CFL1: variants seen among roughly 807,000 people sequenced by gnomAD.
The protein encoded by CFL1 is cofilin 1, also known as cofilin-1.
CFL1 carries 2 observed loss-of-function variants against 16.3 expected under a neutral mutation model. That is an observed-to-expected ratio of 0.12 (90% CI 0.05 to 0.39). The LOEUF is 0.39. Ranked by LOEUF, CFL1 falls within the 10% of genes least tolerant of loss-of-function variation. CFL1 has a pLI of 0.99. For synonymous variants in CFL1, 111 were observed against 84.4 expected (o/e 1.31, Z -1.73); for missense variants, 75 against 212.2 (o/e 0.35, Z 4.02).
intron 1 of CFL1, 100 bp from the exon 2 acceptor site, chr11:65,856,342 C>T (rs897348984): frequency 2.5e-5 from 30 of 1,202,552 alleles, no homozygotes; most frequent in Non-Finnish European, 3.2e-5. Context: ...GTCACTAGTG[C>T]CCTTCCCAAG....
rs1410859431 is a variant in CFL1, at chr11:65,856,213, G to A, written c.33C>T (p.Val11=). MASGVAVSDG[V]IKVFNDMKVR... ...CCTTCATGTCGTTGAACACCTTGAT[G>A]ACACCATCAGAGACAGCCACACCGG... is the stretch of plus-strand genomic sequence containing the variant. Residue 11 remains valine (V), a synonymous_variant, in exon 2 of 4, where the codon GTC becomes GTT. Coordinates refer to ENST00000308162, the MANE Select transcript of CFL1 (RefSeq NM_005507.3). The A allele has an allele frequency of 6.2e-7, 1 of 1,613,966 alleles. No homozygotes were observed. The highest frequency in any genetic ancestry group is 1.7e-5 in the Admixed American group (1 of 60,016).
intron 1 of CFL1, 120 bp downstream of exon 1, chr11:65,857,977 G>T: frequency 1.8e-6 from 2 of 1,098,518 alleles, no homozygotes; most frequent in Non-Finnish European, 2.5e-6. Context: ...CTTCGTGCGA[G>T]ACCCTCATCC....
Position 65,855,715 on chromosome 11 carries a change from C to A in CFL1, c.327G>T (p.Ala109=). The A allele has an allele frequency of 6.4e-7, 1 of 1,557,584 alleles. No homozygotes were observed. The highest frequency in any genetic ancestry group is 2.0e-5 in the Admixed American group (1 of 50,016). ...CATAAATCATTTTGCTCTTAAGGGGCGCAGACTCGGGGGCCCTGGACAGAA... is the reference window on the plus strand; with the variant it reads ...CATAAATCATTTTGCTCTTAAGGGGAGCAGACTCGGGGGCCCTGGACAGAA... ...LVFIFWAPES[A]PLKSKMIYAS... Residue 109 remains alanine, a synonymous_variant, in exon 3 of 4, where the codon GCG becomes GCT. Transcript: ENST00000308162.
At chr11:65,857,965 C>A (rs1859419509) in intron 1 of CFL1, 132 bp downstream of exon 1, 1 of 945,076 alleles carries the variant, frequency 1.1e-6, no homozygotes, top group Non-Finnish European at 1.5e-6. Flanking sequence ...CACCGCCCGC[C>A]CCTTCGTGCG....
rs1859359406 is a variant in CFL1 at position 65,855,106 on chromosome 11, G to T, written c.*230C>A. ...GGGAACTTGGTCTGCTTCAGCCCAAGAGGAATCAAAAGATCAAAAGCAGTT... is the reference window on the plus strand; with the variant it reads ...GGGAACTTGGTCTGCTTCAGCCCAATAGGAATCAAAAGATCAAAAGCAGTT... On this transcript the variant is annotated 3_prime_UTR_variant, in exon 4 of 4. Transcript: ENST00000308162. The T allele has an allele frequency of 5.9e-6, 3 of 505,140 alleles. No individual in the cohort carries two copies. The South Asian group carries it at 6.7e-5, about 11-fold the overall frequency. 31.3% of individuals were successfully genotyped at this position (505,140 alleles called of 1,614,324 possible). A position where few individuals can be genotyped will look rare whatever the true frequency, so the allele number is the denominator to read the frequency against.
chr11:65,858,148 A>G lies in CFL1; in HGVS notation c.-49T>C, dbSNP rs1015895447. ...GGCACCGAGAGCCGCAGAAGACGAG[A>G]GCGCTGCAGCCGCTGCCGGGACCCG... is the stretch of plus-strand genomic sequence containing the variant. On this transcript the variant is annotated 5_prime_UTR_variant, in exon 1 of 4. Coordinates refer to ENST00000308162, the MANE Select transcript of CFL1 (RefSeq NM_005507.3). The G allele has an allele frequency of 2.2e-5, 34 of 1,514,936 alleles. No homozygotes were observed. The Admixed American group carries it at 4.8e-4, about 21-fold the overall frequency. The allele number at this position is 1,514,936 out of a possible 1,614,324, so 93.8% of individuals were successfully genotyped here. A position where few individuals can be genotyped will look rare whatever the true frequency, so the allele number is the denominator to read the frequency against.
At position 65,858,119 on chromosome 11, in the gene CFL1, A is replaced by G. The variant is rs1859422485; in HGVS notation, c.-20T>C. 7.2e-6 allele frequency: 11 copies of G among 1,529,064 alleles called. No homozygotes were observed. The highest frequency in any genetic ancestry group is 8.8e-6 in the Non-Finnish European group (10 of 1,138,406). 94.7% of individuals were successfully genotyped at this position (1,529,064 alleles called of 1,614,324 possible). ...CACCATGTTTCCGGAAACGAAAAGG[A>G]GAGGGCACCGAGAGCCGCAGAAGAC... is the stretch of plus-strand genomic sequence containing the variant. On this transcript the variant is annotated 5_prime_UTR_variant, in exon 1 of 4. Coordinates refer to ENST00000308162, the MANE Select transcript of CFL1 (RefSeq NM_005507.3).
chr11:65,857,316 C>T (rs1378191389), intron 1 of CFL1: 1 of 340,764 alleles, frequency 2.9e-6, no homozygotes, highest in Non-Finnish European at 6.1e-6. Flanking sequence ...TCCACCCTCA[C>T]TCAGGCCCAT....
At chr11:65,857,995 G>T in intron 1 of CFL1, 102 bp downstream of exon 1, 2 of 1,287,004 alleles carry the variant, frequency 1.6e-6, no homozygotes, top group Non-Finnish European at 2.1e-6. Flanking sequence ...TCCCGCCCGG[G>T]GCGCTGGGGG....
rs1360470399 is a variant in CFL1 at position 65,858,090 on chromosome 11, C to G, written c.3+7G>C. 10 of 1,535,286 alleles carry G rather than the reference C, an allele frequency of 6.5e-6. No homozygotes were observed. The highest frequency in any genetic ancestry group is 8.8e-6 in the Non-Finnish European group (10 of 1,141,674). On this transcript the variant is annotated splice_region_variant and intron_variant, in intron 1 of 3. Transcript: ENST00000308162. Reference sequence around the variant, plus strand: ...GCCTCCCTCAGGCGCCGTGGCCTGCCGCTCACCATGTTTCCGGAAACGAAA... The same window carrying G: ...GCCTCCCTCAGGCGCCGTGGCCTGCGGCTCACCATGTTTCCGGAAACGAAA...
intron 1 of CFL1, chr11:65,857,484 T>C (rs931186716): frequency 1.0e-5 from 4 of 396,030 alleles, no homozygotes; most frequent in Non-Finnish European, 1.1e-5. Context: ...GTCTCTGCGA[T>C]GCCCCCTCCA....
At position 65,855,328 on chromosome 11, in the gene CFL1, GA is replaced by G. The variant is rs1859365229; in HGVS notation, c.*7del. ...GCCAGATGCTCCAGGCAGGGGGCCA[GA>G]AGGGGCTCACAAAGGCTTGCCCTCC... is the stretch of plus-strand genomic sequence containing the variant. On this transcript the variant is annotated 3_prime_UTR_variant, in exon 4 of 4. Transcript: ENST00000308162. The G allele has an allele frequency of 2.5e-6, 4 of 1,609,882 alleles. No homozygotes were observed. In the East Asian group the frequency reaches 8.9e-5, roughly 36 times the overall value.
At chr11:65,856,352 G>A (rs1337754346) in intron 1 of CFL1, 110 bp from the exon 2 acceptor site, 7 of 1,059,212 alleles carry the variant, frequency 6.6e-6, no homozygotes, top group African/African-American at 4.8e-5. Context: ...CCCTTCCCAA[G>A]GCAAGTCACT....
rs904231284 is a variant in CFL1, at chr11:65,857,683, G to T, written c.3+414C>A. 14 of 170,752 alleles carry T rather than the reference G, an allele frequency of 8.2e-5. No homozygotes were observed. In the East Asian group the frequency reaches 2.5e-3, roughly 30 times the overall value. 10.6% of individuals were successfully genotyped at this position (170,752 alleles called of 1,614,324 possible). A position where few individuals can be genotyped will look rare whatever the true frequency, so the allele number is the denominator to read the frequency against. ...AGACAGGAACAGCCTTGGGTGGGGC[G>T]CGCGCGCCGAGACCTCTCGCGCGCT... On this transcript the variant is annotated intron_variant, in intron 1 of 3. Transcript: ENST00000308162.
rs377357130 is a variant in CFL1, at chr11:65,856,270, G to A, written c.4-28C>T. 1,307 of 1,599,072 alleles carry A rather than the reference G, an allele frequency of 8.2e-4. 2 individuals are homozygous for A. Among genetic ancestry groups the A allele is most frequent in the Non-Finnish European group, 1.0e-3 (1,207 of 1,169,420 alleles). On this transcript the variant is annotated intron_variant, in intron 1 of 3. Transcript: ENST00000308162. Reference sequence around the variant, plus strand: ...AGGAGACATGCCACGTATACGTCAAGAAAAGGATTCTAGGGAACTGCCCCT... The same window carrying A: ...AGGAGACATGCCACGTATACGTCAAAAAAAGGATTCTAGGGAACTGCCCCT...
chr11:65,855,524 C>T (rs1314053545), intron 3 of CFL1, 76 bp from the exon 4 acceptor site: 46 of 1,562,820 alleles, frequency 2.9e-5, no homozygotes, highest in Non-Finnish European at 3.6e-5. Context: ...GGGAAGGAGC[C>T]AATCAAAGCA....
At chr11:65,855,779 G>A (rs764969465) in intron 2 of CFL1, 49 bp from the exon 3 acceptor site, 6 of 1,518,026 alleles carry the variant, frequency 4.0e-6, no homozygotes, top group Non-Finnish European at 3.5e-6. Context: ...CAAAGCCACA[G>A]GTGACTTTGA....
chr11:65,857,901 G>A (rs953912727), intron 1 of CFL1, 196 bp downstream of exon 1: 5 of 395,302 alleles, frequency 1.3e-5, no homozygotes, highest in Non-Finnish European at 2.2e-5. Flanking sequence ...CGGAGCGCGA[G>A]CGACGTCCAG....
chr11:65,856,312 C>A (rs1165521640), intron 1 of CFL1, 70 bp from the exon 2 acceptor site: 1 of 1,497,958 alleles, frequency 6.7e-7, no homozygotes, highest in South Asian at 1.2e-5. Flanking sequence ...TTCAGAAGAT[C>A]TCAGTCCACG....
Sources: allele counts gnomAD v4.1 joint callset, GRCh38; gene constraint gnomAD v4.1.1; transcripts MANE v1.5; gene names NCBI Gene and HGNC (gene_info 2026-07-23, HGNC 2026-07-21).